The following AGBL3 variants were observed in gnomAD, a reference collection of about 807,000 sequenced individuals.
AGBL3 encodes the protein cytosolic carboxypeptidase 3.
In AGBL3, 68 loss-of-function variants were observed where a neutral mutation model predicts 94.5. The observed-to-expected ratio is 0.72, with a 90% CI of 0.59 to 0.88. The LOEUF (loss-of-function observed/expected upper bound fraction) is 0.88. Among genes scored for constraint, AGBL3 ranks in the 40% least tolerant of loss-of-function variants. The pLI is 0.00. For missense variants in AGBL3, 934 were observed against 1,103.8 expected (o/e 0.85, Z 2.18); for synonymous variants, 354 against 370.7 (o/e 0.95, Z 0.52).
chr7:134,986,980 G>C (rs1266627603), intron 1 of AGBL3, among the ~76,000 whole-genome samples: 1 of 152,288 alleles, frequency 6.6e-6, no homozygotes, highest in Non-Finnish European at 1.5e-5. Flanking sequence ...TGTATCCGCA[G>C]CAGGTCAGCA....
chr7:135,069,415 A>T (rs891247525), intron 12 of AGBL3, among the ~76,000 whole-genome samples: 1 of 152,236 alleles, frequency 6.6e-6, no homozygotes. Flanking sequence ...AAATCAACAG[A>T]ATATACATTC....
intron 11 of AGBL3, among the ~76,000 whole-genome samples, chr7:135,052,093 C>T (rs1817927267): frequency 6.6e-6 from 1 of 152,084 alleles, no homozygotes; most frequent in African/African-American, 2.4e-5. Flanking sequence ...TCTACCCCAT[C>T]CCCCCTTCTG....
chr7:135,063,685 A>G (rs1390737353), intron 12 of AGBL3, among the ~76,000 whole-genome samples: 1 of 152,066 alleles, frequency 6.6e-6, no homozygotes, highest in African/African-American at 2.4e-5. Flanking sequence ...TGAATATGTC[A>G]CTATTTTTCT....
chr7:135,131,916 T>G (rs1828832468), intron 16 of AGBL3, among the ~76,000 whole-genome samples: 1 of 152,092 alleles, frequency 6.6e-6, no homozygotes, highest in Non-Finnish European at 1.5e-5. Context: ...CACACAAATT[T>G]GACAACTTAC....
At position 134,994,794 on chromosome 7, in the gene AGBL3, G is replaced by T. The variant is rs546047580; in HGVS notation, c.310+1116G>T. ...AGAGGACAAAGGTAATTTTTCTCAA[G>T]AATTCCAAAGTTATAGGGTTAAAAA... On this transcript the variant is annotated intron_variant, in intron 4 of 16. Transcript: ENST00000436302. 3.3e-3 allele frequency among the ~76,000 whole-genome samples: 496 copies of T among 152,240 alleles called. 1 individual carries two copies. The highest frequency in any genetic ancestry group is 0.011 in the African/African-American group (477 of 41,532).
At chr7:135,073,512 A>AAATAAATAAATAAACT (rs1554510800) in intron 12 of AGBL3, among the ~76,000 whole-genome samples, 1 of 144,122 alleles carries the variant, frequency 6.9e-6, no homozygotes, top group Non-Finnish European at 1.5e-5. Flanking sequence ...ATAAATAAAT[A>AAATAAATAAATAAACT]AACCTTGCAG....
intron 8 of AGBL3, among the ~76,000 whole-genome samples, chr7:135,040,599 C>G (rs991622466): frequency 6.6e-6 from 1 of 151,084 alleles, no homozygotes; most frequent in Non-Finnish European, 1.5e-5. Flanking sequence ...AAACTTTCAG[C>G]AAATAATGAA....
intron 4 of AGBL3, among the ~76,000 whole-genome samples, chr7:135,008,495 A>C (rs572598677): frequency 6.6e-6 from 1 of 152,280 alleles, no homozygotes; most frequent in South Asian, 2.1e-4. Flanking sequence ...TTCAAAATGG[A>C]TCAAGATCTA....
chr7:135,051,112 T>C (rs747713493), intron 11 of AGBL3: 1 of 402,842 alleles, frequency 2.5e-6, no homozygotes, highest in Non-Finnish European at 4.8e-6. Flanking sequence ...AGGAATATAG[T>C]TGGAAGAAAG....
Position 135,077,185 on chromosome 7 carries a change from T to G in AGBL3, c.1980+717T>G, listed in dbSNP as rs778770382. ...GTATGTCTTATTCTTCCCCCTGCTG[T>G]CTGTTGCTAACTCAGGTGAGTGCGG... On this transcript the variant is annotated intron_variant, in intron 13 of 16. Transcript: ENST00000436302. 1.3e-5 allele frequency among the ~76,000 whole-genome samples: 2 copies of G among 152,136 alleles called. 1 individual carries two copies. The highest frequency in any genetic ancestry group is 2.9e-5 in the Non-Finnish European group (2 of 68,022).
chr7:135,115,791 G>C (rs1340567748), intron 16 of AGBL3, 180 bp downstream of exon 16: 1 of 546,764 alleles, frequency 1.8e-6, no homozygotes, highest in Non-Finnish European at 3.2e-6. Context: ...AAATGAAGGA[G>C]TAAGTTATCA....
intron 4 of AGBL3, among the ~76,000 whole-genome samples, chr7:134,994,161 C>T (rs1163007700): frequency 6.6e-6 from 1 of 152,182 alleles, no homozygotes; most frequent in African/African-American, 2.4e-5. Context: ...TGGCTGTGAG[C>T]TGTAGTCCTG....
At chr7:135,012,994 AG>A (rs1813347432) in intron 4 of AGBL3, among the ~76,000 whole-genome samples, 1 of 152,178 alleles carries the variant, frequency 6.6e-6, no homozygotes, top group African/African-American at 2.4e-5. Flanking sequence ...AAAAATGAAA[AG>A]GAAAGCCACA....
chr7:134,988,624 GTTAAT>G (rs948384632), intron 2 of AGBL3, among the ~76,000 whole-genome samples: 9 of 151,280 alleles, frequency 5.9e-5, no homozygotes, highest in African/African-American at 1.5e-4. Flanking sequence ...TTTTCTTTTT[GTTAAT>G]TTAATTTTTT....
chr7:135,127,269 C>T (rs1378109628), intron 16 of AGBL3, among the ~76,000 whole-genome samples: 1 of 152,150 alleles, frequency 6.6e-6, no homozygotes, highest in African/African-American at 2.4e-5. Flanking sequence ...TGTAAAAAAG[C>T]TCAATGGTTG....
intron 12 of AGBL3, among the ~76,000 whole-genome samples, chr7:135,072,513 C>A (rs990308393): frequency 1.3e-5 from 2 of 152,078 alleles, no homozygotes; most frequent in Non-Finnish European, 2.9e-5. Flanking sequence ...TGGAACCAAC[C>A]CAAATGTCCA....
At chr7:135,072,334 A>G (rs1819999470) in intron 12 of AGBL3, among the ~76,000 whole-genome samples, 1 of 152,234 alleles carries the variant, frequency 6.6e-6, no homozygotes, top group Non-Finnish European at 1.5e-5. Flanking sequence ...AACTAGTTCA[A>G]CCATTGTGGA....
At chr7:135,098,976 T>C (rs1823346723) in intron 15 of AGBL3, among the ~76,000 whole-genome samples, 1 of 152,300 alleles carries the variant, frequency 6.6e-6, no homozygotes, top group African/African-American at 2.4e-5. Context: ...TTCTCACACA[T>C]ACTATTAATC....
At chr7:135,131,273 T>G (rs953156528) in intron 16 of AGBL3, among the ~76,000 whole-genome samples, 1 of 151,796 alleles carries the variant, frequency 6.6e-6, no homozygotes, top group African/African-American at 2.4e-5. Flanking sequence ...TGAGAACACA[T>G]GGACACATAG....
Sources: gnomAD v4.1 joint callset for allele counts (sites outside exome capture counted in the v4.1 genomes callset) on GRCh38, gnomAD v4.1.1 for gene constraint, MANE v1.5 for transcripts, NCBI Gene and HGNC (gene_info 2026-07-23, HGNC 2026-07-21) for gene names.